Variants in HS3ST4 observed in about 807,000 individuals in gnomAD.
The protein encoded by HS3ST4 is heparan sulfate-glucosamine 3-sulfotransferase 4, also known as heparan sulfate glucosamine 3-O-sulfotransferase 4.
In HS3ST4, 17 loss-of-function variants were observed where a neutral mutation model predicts 29.2. That is an observed-to-expected ratio of 0.58 (90% CI 0.40 to 0.87). The LOEUF is 0.87. HS3ST4 is among the 40% of genes least tolerant of loss of function. The pLI is 0.00. For missense variants in HS3ST4, 627 were observed against 634.5 expected (o/e 0.99, Z 0.13); for synonymous variants, 314 against 285.7 (o/e 1.10, Z -1.00).
chr16:25,855,107 A>G (rs544421121), intron 1 of HS3ST4, among the ~76,000 whole-genome samples: 101 of 152,318 alleles, frequency 6.6e-4, no homozygotes, highest in African/African-American at 2.2e-3. Flanking sequence ...CCAATAGGTC[A>G]TAGGAGGATT....
intron 1 of HS3ST4, among the ~76,000 whole-genome samples, chr16:25,857,901 TTCCTTCCTTCCTTC>T (rs1967591899): frequency 5.0e-5 from 1 of 20,146 alleles, no homozygotes; most frequent in African/African-American, 1.0e-4. Context: ...TTTTTCTTTC[TTCCTTCCTTCCTTC>T]CTTCCTTTCT....
In HS3ST4 at chr16:26,055,138, T is replaced by C. The variant is rs201247019; in HGVS notation, c.735-80474T>C. Among the ~76,000 whole-genome samples, 4 of 151,896 alleles carry C rather than the reference T, an allele frequency of 2.6e-5. No individual in the cohort carries two copies. The East Asian group carries it at 5.8e-4, about 22-fold the overall frequency. On this transcript the variant is annotated intron_variant, in intron 1 of 1. Coordinates refer to ENST00000331351, the MANE Select transcript of HS3ST4 (RefSeq NM_006040.3). ...TCTATCCTCCAAGATTGCTCTTTAA[T>C]GTGAATCATTCATGAGAGAGGGTCA...
intron 1 of HS3ST4, among the ~76,000 whole-genome samples, chr16:25,734,466 T>A (rs536890219): frequency 4.0e-5 from 6 of 151,842 alleles, no homozygotes; most frequent in African/African-American, 1.5e-4. Flanking sequence ...GACCAGCAAT[T>A]AGTCCTCCTA....
chr16:25,788,567 G>A (rs1423217229), intron 1 of HS3ST4, among the ~76,000 whole-genome samples: 3 of 127,498 alleles, frequency 2.4e-5, no homozygotes, highest in East Asian at 4.3e-4. Context: ...TTTTGACAGG[G>A]TCTTGGTCTG....
At chr16:26,080,797 C>T (rs537226205) in intron 1 of HS3ST4, among the ~76,000 whole-genome samples, 1 of 152,254 alleles carries the variant, frequency 6.6e-6, no homozygotes, top group Admixed American at 6.5e-5. Context: ...AGACCTCAAG[C>T]AGAGAGTTAC....
Position 26,034,640 on chromosome 16 carries a change from C to G in HS3ST4, c.735-100972C>G, listed in dbSNP as rs183621509. ...CTGTGCTAATGTGTAATCCCTAAAA[C>G]TGGAGGTGCTCCATTAAATAGCAGG... On this transcript the variant is annotated intron_variant, in intron 1 of 1. Coordinates refer to ENST00000331351, the MANE Select transcript of HS3ST4 (RefSeq NM_006040.3). Among the ~76,000 whole-genome samples the G allele has an allele frequency of 2.4e-3, 356 of 145,736 alleles. 1 individual carries two copies. Among genetic ancestry groups the G allele is most frequent in the African/African-American group, 8.8e-3 (342 of 38,726 alleles).
rs1249281704 is a variant in HS3ST4 at position 26,064,604 on chromosome 16, T to C, written c.735-71008T>C. Among the ~76,000 whole-genome samples, 3 of 148,990 alleles carry C rather than the reference T, an allele frequency of 2.0e-5. No homozygotes were observed. In the East Asian group the frequency reaches 6.0e-4, roughly 30 times the overall value. ...TAGGAGCAGAGACAGCAGCTAGGAT[T>C]GTAGTCTTTTTTTTTTTTTTTTTTT... On this transcript the variant is annotated intron_variant, in intron 1 of 1. Transcript: ENST00000331351.
chr16:25,994,731 AT>A (rs200632061), intron 1 of HS3ST4, among the ~76,000 whole-genome samples: 1,761 of 152,324 alleles, frequency 0.012, 32 homozygotes, highest in African/African-American at 0.04. Flanking sequence ...ACTAAAAAAA[AT>A]ATATAAGTAC....
chr16:25,910,742 A>T (rs1412055974), intron 1 of HS3ST4, among the ~76,000 whole-genome samples: 2 of 152,038 alleles, frequency 1.3e-5, no homozygotes, highest in Non-Finnish European at 2.9e-5. Flanking sequence ...CTGAAATTCC[A>T]CCTACAAAAA....
At chr16:25,902,199 C>G (rs1242790203) in intron 1 of HS3ST4, among the ~76,000 whole-genome samples, 1 of 152,188 alleles carries the variant, frequency 6.6e-6, no homozygotes, top group Non-Finnish European at 1.5e-5. Context: ...GTCACCCCTA[C>G]ACTTTCTTCC....
chr16:26,054,626 C>G (rs1040217598), intron 1 of HS3ST4, among the ~76,000 whole-genome samples: 5 of 152,120 alleles, frequency 3.3e-5, no homozygotes, highest in Admixed American at 1.3e-4. Context: ...AAGATAAGAA[C>G]TGGGTACTGG....
intron 1 of HS3ST4, among the ~76,000 whole-genome samples, chr16:26,005,858 T>C (rs1182405818): frequency 6.6e-6 from 1 of 152,190 alleles, no homozygotes; most frequent in East Asian, 1.9e-4. Context: ...GGGGCTGTCC[T>C]GTCCATCGTA....
At position 25,692,754 on chromosome 16, in the gene HS3ST4, G is replaced by C; in HGVS notation, c.337G>C (p.Glu113Gln). The stretch of plus-strand genomic sequence containing the variant: ...CAACGCGAGCCACGGGGAGCCGCCC[G>C]AGCCCCCAGAGCAGCCAGCCGCCCC... The part of the protein sequence containing the change: ...LDNASHGEPP[E>Q]PPEQPAAPGT... The change falls in exon 1 of 2, where the codon GAG becomes CAG. Residue 113 changes from glutamate to glutamine, a missense_variant. Glu to Gln is a conservative substitution (Grantham distance 29). Coordinates refer to ENST00000331351, the MANE Select transcript of HS3ST4 (RefSeq NM_006040.3). 7.7e-6 allele frequency: 10 copies of C among 1,293,368 alleles called. No homozygotes were observed. Among genetic ancestry groups the C allele is most frequent in the Non-Finnish European group, 9.7e-6 (10 of 1,027,414 alleles). The allele number at this position is 1,293,368 out of a possible 1,614,324, so 80.1% of individuals were successfully genotyped here.
intron 1 of HS3ST4, among the ~76,000 whole-genome samples, chr16:26,110,834 G>A (rs1396611621): frequency 2.0e-5 from 3 of 151,904 alleles, no homozygotes; most frequent in African/African-American, 4.8e-5. Flanking sequence ...CCTCTCTCAC[G>A]CTCTCCAGCT....
intron 1 of HS3ST4, among the ~76,000 whole-genome samples, chr16:25,886,586 T>C (rs538490834): frequency 6.6e-6 from 1 of 152,340 alleles, no homozygotes; most frequent in Admixed American, 6.5e-5. Context: ...GAGAAAGTTC[T>C]GCAACACATG....
intron 1 of HS3ST4, among the ~76,000 whole-genome samples, chr16:25,970,335 C>T (rs1344154468): frequency 6.6e-6 from 1 of 152,202 alleles, no homozygotes; most frequent in Non-Finnish European, 1.5e-5. Flanking sequence ...ATAATAAGTG[C>T]TCAATAAATA....
chr16:25,765,365 A>G (rs1966811644), intron 1 of HS3ST4, among the ~76,000 whole-genome samples: 1 of 152,176 alleles, frequency 6.6e-6, no homozygotes, highest in South Asian at 2.1e-4. Flanking sequence ...TCAAGACCCA[A>G]TCGCCAGGAG....
At chr16:25,721,773 T>G (rs1349586810) in intron 1 of HS3ST4, among the ~76,000 whole-genome samples, 2 of 152,178 alleles carry the variant, frequency 1.3e-5, no homozygotes, top group African/African-American at 4.8e-5. Flanking sequence ...AAGAACGTCA[T>G]GAGGGAAAGA....
chr16:26,042,797 C>T (rs1192711978), intron 1 of HS3ST4, among the ~76,000 whole-genome samples: 1 of 152,042 alleles, frequency 6.6e-6, no homozygotes, highest in East Asian at 1.9e-4. Flanking sequence ...CAATTTTCCT[C>T]AGGAATGACT....
Sources: gnomAD v4.1 joint callset for allele counts (sites outside exome capture counted in the v4.1 genomes callset) on GRCh38, gnomAD v4.1.1 for gene constraint, MANE v1.5 for transcripts, NCBI Gene and HGNC (gene_info 2026-07-23, HGNC 2026-07-21) for gene names.